LIMCH1: variants seen among roughly 807,000 people sequenced by gnomAD.
LIMCH1 encodes the protein LIM and calponin homology domains 1, also known as LIM and calponin homology domains-containing protein 1.
A neutral mutation model predicts 176.5 loss-of-function variants in LIMCH1; 113 were observed. The observed-to-expected ratio is 0.64, with a 90% confidence interval of 0.55 to 0.75. The LOEUF is 0.75. Ranked by LOEUF, LIMCH1 falls within the 30% of genes least tolerant of loss-of-function variation. LIMCH1 has a pLI of 0.00. For missense variants in LIMCH1, 1,674 were observed against 1,814.9 expected (o/e 0.92, Z 1.41); for synonymous variants, 619 against 645.9 (o/e 0.96, Z 0.63).
chr4:41,387,852 G>A (rs1300558352), intron 1 of LIMCH1, among the ~76,000 whole-genome samples: 1 of 152,244 alleles, frequency 6.6e-6, no homozygotes, highest in African/African-American at 2.4e-5. Context: ...CTCAATGCCT[G>A]TAATCCTAGC....
intron 21 of LIMCH1, among the ~76,000 whole-genome samples, 141 bp from the exon 22 acceptor site, chr4:41,671,397 AACACACACACACACAC>A (rs141018823): frequency 8.5e-4 from 117 of 137,584 alleles, no homozygotes; most frequent in African/African-American, 1.8e-3. Context: ...TGACTTACCA[AACACACACACACACAC>A]ACACACACAC....
intron 17 of LIMCH1, among the ~76,000 whole-genome samples, chr4:41,647,248 G>A (rs2094104701): frequency 1.3e-5 from 2 of 152,170 alleles, no homozygotes; most frequent in Admixed American, 1.3e-4. Context: ...CAGGAGGTAT[G>A]GCAGACTCCT....
intron 1 of LIMCH1, among the ~76,000 whole-genome samples, chr4:41,589,192 A>T (rs374694467): frequency 2.0e-5 from 3 of 152,188 alleles, no homozygotes; most frequent in Non-Finnish European, 2.9e-5. Flanking sequence ...AAGAATGAGA[A>T]TCCTGGAAGA....
At chr4:41,569,538 A>G (rs2083241544) in intron 1 of LIMCH1, among the ~76,000 whole-genome samples, 1 of 152,114 alleles carries the variant, frequency 6.6e-6, no homozygotes, top group Non-Finnish European at 1.5e-5. Context: ...AAAGAATAGG[A>G]GGGTCGGCCC....
intron 1 of LIMCH1, among the ~76,000 whole-genome samples, chr4:41,431,550 A>C (rs141676103): frequency 2.0e-5 from 3 of 152,138 alleles, no homozygotes; most frequent in Non-Finnish European, 2.9e-5. Flanking sequence ...ATTTTATCTC[A>C]TGGGACTACA....
At position 41,624,504 on chromosome 4, in the gene LIMCH1, G is replaced by A. The variant is rs114236952; in HGVS notation, c.726-2204G>A. Among the ~76,000 whole-genome samples the A allele has an allele frequency of 8.2e-3, 1,238 of 151,344 alleles. 15 individuals carry two copies. The highest frequency in any genetic ancestry group is 0.028 in the African/African-American group (1,153 of 41,254). On this transcript the variant is annotated intron_variant, in intron 7 of 31. Transcript: ENST00000503057. ...AACTTGCACGAACCTTTGTGACTCTGGATGTATTAGGGCGGTGCACAAGTA... is the reference window on the plus strand; with the variant it reads ...AACTTGCACGAACCTTTGTGACTCTAGATGTATTAGGGCGGTGCACAAGTA...
intron 18 of LIMCH1, among the ~76,000 whole-genome samples, chr4:41,659,279 T>C (rs1669752230): frequency 6.6e-6 from 1 of 152,194 alleles, no homozygotes; most frequent in Non-Finnish European, 1.5e-5. Flanking sequence ...ATTTCCTGCC[T>C]AGGGTTTTAA....
chr4:41,670,596 GAC>G, intron 21 of LIMCH1: 1 of 609,170 alleles, frequency 1.6e-6, no homozygotes. Context: ...TAGATTTACT[GAC>G]TCTCAATTCT....
intron 1 of LIMCH1, among the ~76,000 whole-genome samples, chr4:41,411,466 C>T (rs1213042729): frequency 6.6e-6 from 1 of 152,118 alleles, no homozygotes; most frequent in Non-Finnish European, 1.5e-5. Context: ...GCCTCAGCCT[C>T]CTGAGTAGCT....
chr4:41,493,891 G>T (rs1458609543), intron 1 of LIMCH1, among the ~76,000 whole-genome samples: 2 of 152,116 alleles, frequency 1.3e-5, no homozygotes, highest in African/African-American at 4.8e-5. Context: ...TATTATTAAT[G>T]GATATTGGCT....
chr4:41,639,567 C>G (rs2093734802), intron 14 of LIMCH1, among the ~76,000 whole-genome samples: 1 of 152,116 alleles, frequency 6.6e-6, no homozygotes, highest in Non-Finnish European at 1.5e-5. Context: ...GGTTTTCACT[C>G]AACCAAGCAG....
chr4:41,435,758 A>C (rs2062018367), intron 1 of LIMCH1, among the ~76,000 whole-genome samples: 2 of 152,208 alleles, frequency 1.3e-5, no homozygotes, highest in Admixed American at 1.3e-4. Flanking sequence ...TCTAAGCTGC[A>C]GAGACACTGT....
At chr4:41,677,981 A>T (rs1363749547) in intron 23 of LIMCH1, among the ~76,000 whole-genome samples, 1 of 152,094 alleles carries the variant, frequency 6.6e-6, no homozygotes, top group Non-Finnish European at 1.5e-5. Flanking sequence ...ACATGTGCAG[A>T]ACGGGCAGGT....
At chr4:41,564,949 A>G (rs962483431) in intron 1 of LIMCH1, among the ~76,000 whole-genome samples, 4 of 152,156 alleles carry the variant, frequency 2.6e-5, no homozygotes, top group African/African-American at 9.7e-5. Flanking sequence ...CCATGATTGT[A>G]AGTTTCCTGA....
chr4:41,691,592 C>CAAAAAAAAAAAA (rs796984431), intron 30 of LIMCH1, among the ~76,000 whole-genome samples: 10 of 62,376 alleles, frequency 1.6e-4, no homozygotes, highest in African/African-American at 5.1e-4. Flanking sequence ...ACTAAAAATA[C>CAAAAAAAAAAAA]AAAAAAAAAA....
Position 41,419,632 on chromosome 4 carries a change from TTCCTCCTTCCTTTCTTCC to T in LIMCH1, c.96+58701_96+58718del, listed in dbSNP as rs1439489770. ...CTTCCTTCCTTCCTTCCTTCCTTCC[TTCCTCCTTCCTTTCTTCC>T]TCCTTCCTTCCTTCCTTCCTTCCTT... On this transcript the variant is annotated intron_variant, in intron 1 of 26. Coordinates refer to the LIMCH1 transcript ENST00000313860. Among the ~76,000 whole-genome samples, 58 of 92,474 alleles carry T rather than the reference TTCCTCCTTCCTTTCTTCC, an allele frequency of 6.3e-4. 1 individual carries two copies. The highest frequency in any genetic ancestry group is 3.5e-3 in the African/African-American group (53 of 14,942). 60.7% of individuals were successfully genotyped at this position (92,474 alleles called of 152,430 possible). A position where few individuals can be genotyped will look rare whatever the true frequency, so the allele number is the denominator to read the frequency against.
chr4:41,458,301 C>T (rs2064862356), intron 1 of LIMCH1, among the ~76,000 whole-genome samples: 1 of 152,056 alleles, frequency 6.6e-6, no homozygotes, highest in Non-Finnish European at 1.5e-5. Flanking sequence ...AAATGAGTGA[C>T]TTGTAAAAAA....
intron 4 of LIMCH1, among the ~76,000 whole-genome samples, chr4:41,607,555 C>G (rs1416441257): frequency 6.6e-6 from 1 of 152,160 alleles, no homozygotes; most frequent in Non-Finnish European, 1.5e-5. Context: ...TAAATTTGGA[C>G]TTGAATAATA....
intron 2 of LIMCH1, among the ~76,000 whole-genome samples, chr4:41,498,887 T>A (rs1338460262): frequency 6.6e-6 from 1 of 152,118 alleles, no homozygotes; most frequent in Non-Finnish European, 1.5e-5. Context: ...TTTTTTTTTT[T>A]TAACTGGCCT....
Sources: allele counts gnomAD v4.1 joint callset (sites outside exome capture counted in the v4.1 genomes callset), GRCh38; gene constraint gnomAD v4.1.1; transcripts MANE v1.5; gene names NCBI Gene and HGNC (gene_info 2026-07-23, HGNC 2026-07-21).